ZNF454: variants seen among roughly 807,000 people sequenced by gnomAD.
The protein encoded by ZNF454 is zinc finger protein 454.
A neutral mutation model predicts 48.2 loss-of-function variants in ZNF454; 30 were observed. The observed-to-expected ratio is 0.62, with a 90% CI of 0.47 to 0.84. The LOEUF (loss-of-function observed/expected upper bound fraction) is 0.84, where lower values mean the gene tolerates loss of function less well. Ranked by LOEUF, ZNF454 falls within the 40% of genes least tolerant of loss-of-function variation. ZNF454 has a pLI of 0.00. For missense variants in ZNF454, 510 were observed against 623.1 expected (o/e 0.82, Z 1.93); for synonymous variants, 204 against 211.4 (o/e 0.97, Z 0.30).
the ZNF454 span, among the ~76,000 whole-genome samples, chr5:178,973,761 T>C: frequency 6.8e-6 from 1 of 147,566 alleles, no homozygotes; most frequent in Admixed American, 6.9e-5. Flanking sequence ...GAGAATGGCC[T>C]GAACCCAGGA....
At position 178,946,528 on chromosome 5, in the gene ZNF454, C is replaced by A; in HGVS notation, c.160+43C>A. ...AAGGTTTCTCTTCACTTTTGGGGAT[C>A]TCTTTGGGACCCTTACATTGACACC... is the stretch of plus-strand genomic sequence containing the variant. On this transcript the variant is annotated intron_variant, in intron 3 of 4. Transcript: ENST00000519564. The surrounding 1 kb of genome is among the most constrained non-coding windows in gnomAD (Gnocchi z 4.5). The A allele has an allele frequency of 6.4e-7, 1 of 1,562,878 alleles. No homozygotes were observed. Among genetic ancestry groups the A allele is most frequent in the South Asian group, 1.2e-5 (1 of 83,206 alleles).
Position 178,965,649 on chromosome 5 carries a change from C to T in ZNF454, c.1245C>T (p.Gly415=), listed in dbSNP as rs1280855332. Residue 415 remains glycine, a synonymous_variant, in exon 5 of 5, where the codon GGC becomes GGT. Transcript: ENST00000519564. The surrounding 1 kb of genome is among the most constrained non-coding windows in gnomAD (Gnocchi z 5.2). The part of the protein sequence containing the change: ...IHTGEKPYRC[G]LCEKAFRDQS... Reference sequence around the variant, plus strand: ...CTGGAGAGAAACCTTACAGATGTGGCTTGTGTGAGAAAGCCTTTCGGGACC... The same window carrying T: ...CTGGAGAGAAACCTTACAGATGTGGTTTGTGTGAGAAAGCCTTTCGGGACC... 2 of 1,614,068 alleles carry T rather than the reference C, an allele frequency of 1.2e-6. No individual in the cohort carries two copies. Among genetic ancestry groups the T allele is most frequent in the Non-Finnish European group, 1.7e-6 (2 of 1,180,020 alleles).
At chr5:178,967,999 C>T (rs746778726), downstream of ZNF454, among the ~76,000 whole-genome samples, 4 of 151,944 alleles carry the variant, frequency 2.6e-5, no homozygotes, top group Non-Finnish European at 4.4e-5. Flanking sequence ...TCGGCCTCCC[C>T]AGGTGCTGGG....
the ZNF454 span, chr5:178,986,218 A>G: frequency 6.2e-7 from 1 of 1,614,164 alleles, no homozygotes; most frequent in African/African-American, 1.3e-5. Flanking sequence ...GCCCTGCTCA[A>G]AGATGCGGTA....
chr5:178,956,012 GT>G (rs1759734030), intron 4 of ZNF454, among the ~76,000 whole-genome samples: 1 of 152,082 alleles, frequency 6.6e-6, no homozygotes. Flanking sequence ...TACCTGGCTT[GT>G]TTCCCTTCTC....
chr5:178,985,704 A>AAAAAC, the ZNF454 span: 1 of 409,624 alleles, frequency 2.4e-6, no homozygotes, highest in East Asian at 7.1e-5. Context: ...CTCTGTCTAA[A>AAAAAC]AAAAAAAAAA....
the ZNF454 span, chr5:178,982,000 C>T: frequency 5.4e-6 from 4 of 741,740 alleles, no homozygotes; most frequent in African/African-American, 1.7e-5. This position sits in a 1 kb window ranked among gnomAD's most constrained non-coding sequence, Gnocchi z 5.1. Flanking sequence ...ACAGTATGAG[C>T]AGGGGCCCCG....
chr5:178,975,332 C>T, the ZNF454 span, among the ~76,000 whole-genome samples: 1 of 152,120 alleles, frequency 6.6e-6, no homozygotes, highest in African/African-American at 2.4e-5. Flanking sequence ...CGTTTGAGAG[C>T]AGTATTACTC....
the ZNF454 span, chr5:178,985,701 TAA>T: frequency 2.1e-4 from 74 of 348,978 alleles, no homozygotes; most frequent in East Asian, 1.2e-3. Flanking sequence ...AGACTCTGTC[TAA>T]AAAAAAAAAA....
downstream of ZNF454, among the ~76,000 whole-genome samples, chr5:178,971,202 G>C (rs1760228288): frequency 6.6e-6 from 1 of 152,348 alleles, no homozygotes; most frequent in South Asian, 2.1e-4. Flanking sequence ...AGAGACAGGA[G>C]GCAGGGCAGG....
At chr5:178,981,626 G>A in the ZNF454 span, 1 of 1,538,404 alleles carries the variant, frequency 6.5e-7, no homozygotes, top group South Asian at 1.1e-5. The surrounding 1 kb of genome is among the most constrained non-coding windows in gnomAD (Gnocchi z 5.1). Context: ...GAAAGGAGAG[G>A]CAGCAAGCAG....
chr5:178,986,072 T>G, the ZNF454 span: 1 of 1,523,142 alleles, frequency 6.6e-7, no homozygotes, highest in South Asian at 1.2e-5. Flanking sequence ...CTTTTGGCTT[T>G]GTAACGTTGC....
Position 178,965,230 on chromosome 5 carries a change from T to C in ZNF454, c.826T>C (p.Leu276=), listed in dbSNP as rs1017922627. 1 of 1,614,114 alleles carries C rather than the reference T, an allele frequency of 6.2e-7. No individual in the cohort carries two copies. Among genetic ancestry groups the C allele is most frequent in the East Asian group, 2.2e-5 (1 of 44,876 alleles). ...TGGAGAGAAGCCTTTTGAATGCAAC[T>C]TATGTGGAAAAGCTTTTATCCGAAA... ...HTGEKPFECN[L]CGKAFIRNIH... Residue 276 remains leucine, a synonymous_variant, in exon 5 of 5, where the codon TTA becomes CTA. Coordinates refer to ENST00000519564, the MANE Select transcript of ZNF454 (RefSeq NM_001178089.3). This position sits in a 1 kb window ranked among gnomAD's most constrained non-coding sequence, Gnocchi z 5.2.
Position 178,944,576 on chromosome 5 carries a change from G to A in ZNF454, c.33+1752G>A, listed in dbSNP as rs1219172800. Among the ~76,000 whole-genome samples the A allele has an allele frequency of 2.0e-5, 3 of 152,210 alleles. No homozygotes were observed. Among genetic ancestry groups the A allele is most frequent in the Non-Finnish European group, 2.9e-5 (2 of 68,042 alleles). Reference sequence around the variant, plus strand: ...TGCCTGTCATGGGCCAAGTCTCTGGGTGCAGGTAACGGAAACCTAATTCAG... The same window carrying A: ...TGCCTGTCATGGGCCAAGTCTCTGGATGCAGGTAACGGAAACCTAATTCAG... On this transcript the variant is annotated intron_variant, in intron 2 of 4. Transcript: ENST00000519564. The surrounding 1 kb of genome is among the most constrained non-coding windows in gnomAD (Gnocchi z 4.1).
the ZNF454 span, chr5:178,986,729 C>A: frequency 2.0e-5 from 32 of 1,605,382 alleles, no homozygotes; most frequent in Middle Eastern, 1.6e-4. Flanking sequence ...TCGTGGGGGT[C>A]GCCAGACCAC....
chr5:178,947,187 C>T (rs1035907922), intron 4 of ZNF454, among the ~76,000 whole-genome samples: 25 of 152,202 alleles, frequency 1.6e-4, no homozygotes, highest in Non-Finnish European at 1.5e-4. Context: ...ACCCTCCCCG[C>T]AATGATTTTT....
rs1399671141 is a variant in ZNF454 at position 178,946,310 on chromosome 5, C to A, written c.34-49C>A. The A allele has an allele frequency of 1.3e-6, 2 of 1,597,694 alleles. No individual in the cohort carries two copies. Among genetic ancestry groups the A allele is most frequent in the Non-Finnish European group, 8.5e-7 (1 of 1,175,540 alleles). On this transcript the variant is annotated intron_variant, in intron 2 of 4. Coordinates refer to ENST00000519564, the MANE Select transcript of ZNF454 (RefSeq NM_001178089.3). The surrounding 1 kb of genome is among the most constrained non-coding windows in gnomAD (Gnocchi z 4.5). ...GCTGCCAGTCTCTTTTCCAGAGAAC[C>A]ATGTGCAGGGGTAGCCCCTGGTCAA...
intron 4 of ZNF454, among the ~76,000 whole-genome samples, chr5:178,950,449 G>A (rs1759507685): frequency 1.3e-5 from 2 of 152,184 alleles, no homozygotes; most frequent in South Asian, 4.1e-4. Flanking sequence ...CTTTTAAGAG[G>A]CAAGTCAGGG....
intron 4 of ZNF454, 36 bp downstream of exon 4, chr5:178,947,022 C>T: frequency 6.3e-7 from 1 of 1,584,226 alleles, no homozygotes; most frequent in Non-Finnish European, 8.6e-7. Context: ...CCGGGAGGAG[C>T]CCTGCTGGGT....
Sources: allele counts gnomAD v4.1 joint callset (sites outside exome capture counted in the v4.1 genomes callset), GRCh38; gene constraint gnomAD v4.1.1; non-coding constraint Gnocchi (gnomAD v3.1); transcripts MANE v1.5; gene names NCBI Gene and HGNC (gene_info 2026-07-23, HGNC 2026-07-21).